Variants in STK10 observed in about 807,000 individuals in gnomAD.
The protein encoded by STK10 is serine/threonine-protein kinase 10.
STK10 carries 78 observed loss-of-function variants against 113.8 expected under a neutral mutation model. The observed-to-expected ratio is 0.69, with a 90% CI of 0.57 to 0.83. STK10 has a LOEUF of 0.83. Ranked by LOEUF, STK10 falls within the 40% of genes least tolerant of loss-of-function variation. The pLI is 0.00. For missense variants in STK10, 1,109 were observed against 1,280.1 expected (o/e 0.87, Z 2.04); for synonymous variants, 465 against 494.7 (o/e 0.94, Z 0.80).
chr5:172,177,318 C>A (rs113828968), intron 1 of STK10, among the ~76,000 whole-genome samples: 6,787 of 152,326 alleles, frequency 0.045, 194 homozygotes, highest in South Asian at 0.1. Flanking sequence ...TTGGACTTCC[C>A]AGCCTCCAAA....
chr5:172,093,668 T>A lies in STK10; in HGVS notation c.1298A>T (p.Gln433Leu). Reference protein sequence around the residue: ...QVAQEKQVAEQGGDLSPAANR... With the variant: ...QVAQEKQVAELGGDLSPAANR... ...GGCTGCTGGGCTGAGGTCCCCACCC[T>A]GCTCAGCAACTTGCTTCTCCTGGGC... is the stretch of plus-strand genomic sequence containing the variant. The change falls in exon 9 of 19, where the codon CAG becomes CTG. Residue 433 changes from glutamine (Q) to leucine (L), a missense_variant. Around this residue, in one of 5 missense-constraint regions of STK10, gnomAD observed 885 missense variants for 991.1 expected, o/e 0.89. Coordinates refer to ENST00000176763, the MANE Select transcript of STK10 (RefSeq NM_005990.4). This position sits in a 1 kb window ranked among gnomAD's most constrained non-coding sequence, Gnocchi z 4.1. The A allele has an allele frequency of 6.2e-7, 1 of 1,614,252 alleles. No individual in the cohort carries two copies. Among genetic ancestry groups the A allele is most frequent in the Non-Finnish European group, 8.5e-7 (1 of 1,180,040 alleles).
At chr5:172,138,735 A>G (rs34226861) in intron 2 of STK10, among the ~76,000 whole-genome samples, 15,034 of 152,196 alleles carry the variant, frequency 0.099, 825 homozygotes, top group South Asian at 0.15. Flanking sequence ...AAGATTGGCC[A>G]GGCGCGGTGG....
At chr5:172,158,237 T>C (rs1269083390) in intron 1 of STK10, among the ~76,000 whole-genome samples, 2 of 151,716 alleles carry the variant, frequency 1.3e-5, no homozygotes, top group Non-Finnish European at 2.9e-5. Flanking sequence ...AGGTTAAACA[T>C]AGACCTATCC....
intron 10 of STK10, among the ~76,000 whole-genome samples, chr5:172,084,402 AAATAATAAT>A (rs60087344): frequency 2.5e-3 from 379 of 149,198 alleles, no homozygotes; most frequent in Non-Finnish European, 3.9e-3. Flanking sequence ...TTCTGTCTCA[AAATAATAAT>A]AATAATAATA....
chr5:172,108,540 C>A (rs573829581), intron 4 of STK10, among the ~76,000 whole-genome samples: 2 of 149,952 alleles, frequency 1.3e-5, no homozygotes, highest in East Asian at 4.0e-4. Flanking sequence ...CGCTTGAACC[C>A]GGGAGGTGGA....
At position 172,168,175 on chromosome 5, in the gene STK10, G is replaced by A. The variant is rs1198729071; in HGVS notation, c.157-11387C>T. On this transcript the variant is annotated intron_variant, in intron 1 of 18. Coordinates refer to ENST00000176763, the MANE Select transcript of STK10 (RefSeq NM_005990.4). ...CAGGCATGTATCAAATATGGTTCAG[G>A]CCACTGGAACCAAAGCAGGGCTTGG... Among the ~76,000 whole-genome samples the A allele has an allele frequency of 2.6e-5, 4 of 152,170 alleles. No homozygotes were observed. In the East Asian group the frequency reaches 7.7e-4, roughly 29 times the overall value.
intron 16 of STK10, 152 bp downstream of exon 16, chr5:172,055,436 C>A (rs947453903): frequency 2.6e-6 from 2 of 773,984 alleles, no homozygotes; most frequent in East Asian, 6.7e-5. Flanking sequence ...GTGACCCGCC[C>A]GCCTCGGCCT....
chr5:172,169,401 T>G, intron 1 of STK10, among the ~76,000 whole-genome samples: 2 of 148,804 alleles, frequency 1.3e-5, no homozygotes, highest in African/African-American at 2.5e-5. Context: ...CATGGAGGAG[T>G]GAACGGATGG....
intron 1 of STK10, among the ~76,000 whole-genome samples, chr5:172,160,775 TC>T (rs757842206): frequency 2.6e-4 from 39 of 152,116 alleles, no homozygotes; most frequent in Admixed American, 3.9e-4. Flanking sequence ...GCTTGGAGTT[TC>T]CCCCATTCCA....
At chr5:172,062,189 G>T (rs1470651121) in intron 13 of STK10, among the ~76,000 whole-genome samples, 3 of 151,926 alleles carry the variant, frequency 2.0e-5, no homozygotes, top group Non-Finnish European at 4.4e-5. Context: ...TGTTGGCCAG[G>T]CTGGTCTTCA....
intron 1 of STK10, among the ~76,000 whole-genome samples, chr5:172,162,450 TCA>T (rs1220747529): frequency 1.7e-4 from 26 of 150,870 alleles, no homozygotes; most frequent in Admixed American, 3.3e-4. Context: ...TCTCTCTCTC[TCA>T]CACACACACA....
chr5:172,053,874 C>T (rs10035373), intron 17 of STK10, among the ~76,000 whole-genome samples: 59,233 of 152,208 alleles, frequency 0.39, 11,598 homozygotes, highest in Middle Eastern at 0.45. Flanking sequence ...CGGGCTCTCT[C>T]AGTGCTCACA....
intron 2 of STK10, among the ~76,000 whole-genome samples, chr5:172,150,064 A>AAG (rs1243230472): frequency 2.7e-5 from 4 of 150,140 alleles, no homozygotes; most frequent in African/African-American, 9.8e-5. Context: ...AAAAAAAAAA[A>AAG]AAAGAAAGAA....
chr5:172,070,734 AGAG>A (rs1768159839), intron 12 of STK10, among the ~76,000 whole-genome samples: 1 of 152,060 alleles, frequency 6.6e-6, no homozygotes, highest in Non-Finnish European at 1.5e-5. Context: ...AAGGAGGAGG[AGAG>A]GAGGAGGAGA....
At chr5:172,074,740 C>T (rs1231021569) in intron 12 of STK10, among the ~76,000 whole-genome samples, 1 of 152,050 alleles carries the variant, frequency 6.6e-6, no homozygotes. Flanking sequence ...AATTAGCAGC[C>T]GGGTGCGTTG....
chr5:172,180,840 C>T (rs1770842292), intron 1 of STK10, among the ~76,000 whole-genome samples: 1 of 152,170 alleles, frequency 6.6e-6, no homozygotes, highest in South Asian at 2.1e-4. Flanking sequence ...AGCAAGAACT[C>T]TACAAAGCTG....
At chr5:172,051,076 C>T (rs1172127284) in intron 18 of STK10, among the ~76,000 whole-genome samples, 1 of 151,126 alleles carries the variant, frequency 6.6e-6, no homozygotes, top group Non-Finnish European at 1.5e-5. Context: ...TAGCGCCACT[C>T]CGTCTCAGGA....
At chr5:172,157,624 T>C (rs949127183) in intron 1 of STK10, among the ~76,000 whole-genome samples, 1 of 152,134 alleles carries the variant, frequency 6.6e-6, no homozygotes, top group South Asian at 2.1e-4. Flanking sequence ...GGAGTCTCAC[T>C]CTGTCGCCCA....
chr5:172,090,688 G>A (rs944156762), intron 9 of STK10, among the ~76,000 whole-genome samples: 1 of 151,974 alleles, frequency 6.6e-6, no homozygotes, highest in Non-Finnish European at 1.5e-5. Flanking sequence ...TGTAATCCCA[G>A]CACTTTGGGA....
Sources: allele counts gnomAD v4.1 joint callset (sites outside exome capture counted in the v4.1 genomes callset), GRCh38; gene constraint gnomAD v4.1.1; regional missense constraint gnomAD v4.1.1; non-coding constraint Gnocchi (gnomAD v3.1); transcripts MANE v1.5; gene names NCBI Gene and HGNC (gene_info 2026-07-23, HGNC 2026-07-21).